RPL14: variants seen among roughly 807,000 people sequenced by gnomAD.
RPL14 encodes large ribosomal subunit protein eL14.
In RPL14, 4 loss-of-function variants were observed where a neutral mutation model predicts 25.3. The observed-to-expected ratio is 0.16, with a 90% CI of 0.08 to 0.36. The LOEUF is 0.36. Ranked by LOEUF, RPL14 falls within the 10% of genes least tolerant of loss-of-function variation. The pLI is 1.00. For synonymous variants in RPL14, 75 were observed against 89.8 expected (o/e 0.84, Z 0.93); for missense variants, 212 against 261.9 (o/e 0.81, Z 1.31).
intron 1 of RPL14, 188 bp downstream of exon 1, chr3:40,457,662 C>T: frequency 1.5e-6 from 1 of 658,434 alleles, no homozygotes; most frequent in Middle Eastern, 4.1e-4. Flanking sequence ...CTTGTCCTGC[C>T]GTGTGGGCCT....
At position 40,457,400 on chromosome 3, in the gene RPL14, C is replaced by T; in HGVS notation, c.-72C>T. ...TGTTGCGGGCTCCGGGGCCGTCGAC[C>T]ATGCCGCTCGACCTCCACCTCCGCT... On this transcript the variant is annotated 5_prime_UTR_variant, in exon 1 of 6. Transcript: ENST00000396203. 1 of 1,599,548 alleles carries T rather than the reference C, an allele frequency of 6.3e-7. No individual in the cohort carries two copies. Among genetic ancestry groups the T allele is most frequent in the Middle Eastern group, 1.7e-4 (1 of 5,984 alleles).
In RPL14 at chr3:40,462,373, C is replaced by CATTTTTT; in HGVS notation, c.*141_*142insATTTTTT. Reference sequence around the variant, plus strand: ...ATAATAAACATTAAATAATCAGTTCCTTTTTTTTTTTTTTTTTTTTTGAGA... The same window carrying CATTTTTT: ...ATAATAAACATTAAATAATCAGTTCCATTTTTTTTTTTTTTTTTTTTTTTTTTTGAGA... On this transcript the variant is annotated 3_prime_UTR_variant, in exon 6 of 6. Transcript: ENST00000396203. The CATTTTTT allele has an allele frequency of 3.0e-6, 1 of 329,068 alleles. No homozygotes were observed. 20.4% of individuals were successfully genotyped at this position (329,068 alleles called of 1,614,324 possible).
rs139669662 is a variant in RPL14 at position 40,464,111 on chromosome 3, C to T, written c.*1879C>T. ...CCTCCCAAGTAGCAGGGGTTAAATG[C>T]GTGTACCACCATGCCCCTCTAATAT... On this transcript the variant is annotated 3_prime_UTR_variant, in exon 6 of 6. Transcript: ENST00000396203. The T allele has an allele frequency of 2.2e-3, 456 of 203,696 alleles. 2 individuals are homozygous for T. The highest frequency in any genetic ancestry group is 0.011 in the Middle Eastern group (5 of 476). The allele number at this position is 203,696 out of a possible 1,614,324, so 12.6% of individuals were successfully genotyped here. A position where few individuals can be genotyped will look rare whatever the true frequency, so the allele number is the denominator to read the frequency against.
rs962324855 is a variant in RPL14, at chr3:40,464,337, T to A, written c.*2105T>A. 2 of 382,822 alleles carry A rather than the reference T, an allele frequency of 5.2e-6. No individual in the cohort carries two copies. Among genetic ancestry groups the A allele is most frequent in the Non-Finnish European group, 1.0e-5 (2 of 190,616 alleles). The allele number at this position is 382,822 out of a possible 1,614,324, so 23.7% of individuals were successfully genotyped here. A position where few individuals can be genotyped will look rare whatever the true frequency, so the allele number is the denominator to read the frequency against. On this transcript the variant is annotated 3_prime_UTR_variant, in exon 6 of 6. Coordinates refer to ENST00000396203, the MANE Select transcript of RPL14 (RefSeq NM_001034996.3). ...TCACTGGGGTAAAGGAAAAAGCACA[T>A]TGATTTGCTTGATAATAGGCAAGTG... is the stretch of plus-strand genomic sequence containing the variant.
chr3:40,458,133 A>T (rs1696873266), intron 2 of RPL14, 142 bp downstream of exon 2: 4 of 698,236 alleles, frequency 5.7e-6, no homozygotes, highest in African/African-American at 3.6e-5. Context: ...AGGTAATGGT[A>T]CGGGTTTTAA....
chr3:40,458,035 C>T (rs1195800141), intron 2 of RPL14, 44 bp downstream of exon 2: 2 of 1,463,364 alleles, frequency 1.4e-6, no homozygotes, highest in Admixed American at 3.3e-5. Context: ...TGGACATGTG[C>T]CCTGCAGATG....
chr3:40,461,997 C>T lies in RPL14; in HGVS notation c.413C>T (p.Ala138Val). The change falls in exon 6 of 6, where the codon GCT (alanine) becomes GTT (valine). Residue 138 changes from alanine to valine, a missense_variant. Physicochemically the swap from Ala to Val is moderately conservative, Grantham distance 64. Around this residue, in one of 3 missense-constraint regions of RPL14, gnomAD observed 143 missense variants for 180.3 expected, o/e 0.79. Transcript: ENST00000396203. ...CTTCAAAAGGCAGCTCTCCTGAAAGCTTCTCCCAAAAAAGCACCTGGTACT... is the reference window on the plus strand; with the variant it reads ...CTTCAAAAGGCAGCTCTCCTGAAAGTTTCTCCCAAAAAAGCACCTGGTACT... ...KKLQKAALLK[A>V]SPKKAPGTKG... 6.2e-7 allele frequency: 1 copy of T among 1,606,376 alleles called. No individual in the cohort carries two copies. Among genetic ancestry groups the T allele is most frequent in the African/African-American group, 1.3e-5 (1 of 74,396 alleles).
intron 3 of RPL14, among the ~76,000 whole-genome samples, chr3:40,460,245 C>G (rs528344671): frequency 6.6e-6 from 1 of 151,968 alleles, no homozygotes; most frequent in Non-Finnish European, 1.5e-5. Context: ...ATGAATGGCT[C>G]GGATGTGTGC....
rs944742552 is a variant in RPL14 at position 40,464,463 on chromosome 3, G to T, written c.*2231G>T. On this transcript the variant is annotated 3_prime_UTR_variant, in exon 6 of 6. Transcript: ENST00000396203. ...AAAGTGGCATCTATACCTAAAATAA[G>T]AAGAAGGTGGTGTAAGGGGAAGAAT... 1.9e-4 allele frequency: 87 copies of T among 454,864 alleles called. No homozygotes were observed. The highest frequency in any genetic ancestry group is 1.3e-3 in the African/African-American group (66 of 50,010). 28.2% of individuals were successfully genotyped at this position (454,864 alleles called of 1,614,324 possible). A position where few individuals can be genotyped will look rare whatever the true frequency, so the allele number is the denominator to read the frequency against.
At chr3:40,458,020 G>GTCCACT in intron 2 of RPL14, 29 bp downstream of exon 2, 1 of 1,579,882 alleles carries the variant, frequency 6.3e-7, no homozygotes, top group Non-Finnish European at 8.7e-7. Context: ...TACTAAACAT[G>GTCCACT]GCAGTGGACA....
chr3:40,461,289 C>A, intron 3 of RPL14, 118 bp from the exon 4 acceptor site: 1 of 737,718 alleles, frequency 1.4e-6, no homozygotes, highest in South Asian at 1.7e-5. Flanking sequence ...AAGTAAAATA[C>A]ATAGTGTACC....
chr3:40,461,336 CAAAG>C (rs1696933884), intron 3 of RPL14, 67 bp from the exon 4 acceptor site: 1 of 1,291,794 alleles, frequency 7.7e-7, no homozygotes. Flanking sequence ...TTTCAAGGAA[CAAAG>C]AAAGTGTCTT....
At chr3:40,458,245 A>C in intron 2 of RPL14, 1 of 566,216 alleles carries the variant, frequency 1.8e-6, no homozygotes, top group South Asian at 2.2e-5. Context: ...ATGAGTTACT[A>C]TACGTAAAGT....
chr3:40,462,478 G>A lies in RPL14; in HGVS notation c.*246G>A. 1 of 352,252 alleles carries A rather than the reference G, an allele frequency of 2.8e-6. No homozygotes were observed. Among genetic ancestry groups the A allele is most frequent in the Non-Finnish European group, 4.9e-6 (1 of 202,578 alleles). The allele number at this position is 352,252 out of a possible 1,614,324, so 21.8% of individuals were successfully genotyped here. On this transcript the variant is annotated 3_prime_UTR_variant, in exon 6 of 6. Transcript: ENST00000396203. ...TGTAAGTTCCACCTCCCGGGTTCAT[G>A]CCATTCTCCTGCCTCAGCCTCCTGA...
At chr3:40,459,929 A>G (rs1386303923) in intron 3 of RPL14, among the ~76,000 whole-genome samples, 1 of 151,904 alleles carries the variant, frequency 6.6e-6, no homozygotes, top group Non-Finnish European at 1.5e-5. Flanking sequence ...GTATTAACAC[A>G]TAATGGATTT....
chr3:40,457,500 A>T, intron 1 of RPL14, 26 bp downstream of exon 1: 1 of 1,520,624 alleles, frequency 6.6e-7, no homozygotes, highest in Middle Eastern at 1.9e-4. Flanking sequence ...CCGGCTGTGC[A>T]GCGGAATCGG....
At chr3:40,459,206 T>C (rs1339535346) in intron 3 of RPL14, 1 of 154,966 alleles carries the variant, frequency 6.5e-6, no homozygotes, top group Admixed American at 6.4e-5. Flanking sequence ...ATAAAATAAA[T>C]GCCTTGAGGT....
intron 3 of RPL14, among the ~76,000 whole-genome samples, chr3:40,461,003 C>G (rs1696928397): frequency 6.6e-6 from 1 of 151,976 alleles, no homozygotes; most frequent in African/African-American, 2.4e-5. Context: ...GGAGACCAGC[C>G]TGGGCAACGT....
In RPL14 at chr3:40,462,420, A is replaced by G; in HGVS notation, c.*188A>G. ...GAGATGGAGTCTCGTTCTGTTGCTC[A>G]GGCCGGACTGCAGTGGCGCTATCTC... is the stretch of plus-strand genomic sequence containing the variant. On this transcript the variant is annotated 3_prime_UTR_variant, in exon 6 of 6. Coordinates refer to ENST00000396203, the MANE Select transcript of RPL14 (RefSeq NM_001034996.3). 1 of 570,102 alleles carries G rather than the reference A, an allele frequency of 1.8e-6. No homozygotes were observed. Among genetic ancestry groups the G allele is most frequent in the East Asian group, 3.5e-5 (1 of 28,170 alleles). The allele number at this position is 570,102 out of a possible 1,614,324, so 35.3% of individuals were successfully genotyped here.
Sources: allele counts gnomAD v4.1 joint callset (sites outside exome capture counted in the v4.1 genomes callset), GRCh38; gene constraint gnomAD v4.1.1; regional missense constraint gnomAD v4.1.1; transcripts MANE v1.5; gene names NCBI Gene and HGNC (gene_info 2026-07-23, HGNC 2026-07-21).